Variants in PCDHGB3 observed in about 807,000 individuals in gnomAD.
PCDHGB3 encodes protocadherin gamma-B3.
In PCDHGB3, 40 loss-of-function variants were observed where a neutral mutation model predicts 59.2. The ratio of observed to expected loss-of-function variants is 0.68; its 90% CI spans 0.52 to 0.88. PCDHGB3 has a LOEUF of 0.88. PCDHGB3 is among the 40% of genes least tolerant of loss of function. PCDHGB3 has a pLI of 0.00. For missense variants in PCDHGB3, 1,309 were observed against 1,187.9 expected (o/e 1.10, Z -1.50); for synonymous variants, 581 against 503.6 (o/e 1.15, Z -2.06).
chr5:141,419,610 C>T (rs779657777), intron 1 of PCDHGB3: 162 of 1,612,012 alleles, frequency 1.0e-4, no homozygotes, highest in Non-Finnish European at 1.3e-4. Flanking sequence ...GCCGCGCAGC[C>T]AGGCTACCTG....
chr5:141,417,613 G>A (rs984573855), intron 1 of PCDHGB3: 2 of 624,312 alleles, frequency 3.2e-6, no homozygotes, highest in African/African-American at 3.7e-5. Flanking sequence ...GTCGGCCAGT[G>A]CAGAGCAAGC....
chr5:141,432,539 G>A lies in PCDHGB3; in HGVS notation c.2415+59730G>A. 2.5e-6 allele frequency: 4 copies of A among 1,614,038 alleles called. No individual in the cohort carries two copies. Among genetic ancestry groups the A allele is most frequent in the Non-Finnish European group, 3.4e-6 (4 of 1,180,022 alleles). ...CTACCTGGTGACCAAGGTGGTGGCG[G>A]TGGACAGAGACTCCGGCCAGAACGC... On this transcript the variant is annotated intron_variant, in intron 1 of 3. Transcript: ENST00000576222. The surrounding 1 kb of genome is among the most constrained non-coding windows in gnomAD (Gnocchi z 6.0).
intron 1 of PCDHGB3, chr5:141,414,274 G>C: frequency 1.9e-6 from 3 of 1,613,368 alleles, no homozygotes; most frequent in Non-Finnish European, 2.5e-6. Flanking sequence ...TTCACCTCTG[G>C]GAACAGTCGT....
At chr5:141,414,396 A>G in intron 1 of PCDHGB3, 1 of 1,613,884 alleles carries the variant, frequency 6.2e-7, no homozygotes, top group Non-Finnish European at 8.5e-7. Flanking sequence ...GTTATTACAG[A>G]TTGGTGATAC....
intron 1 of PCDHGB3, chr5:141,404,308 C>T (rs1241004917): frequency 6.2e-7 from 1 of 1,613,918 alleles, no homozygotes; most frequent in Middle Eastern, 1.6e-4. Flanking sequence ...CACCTGCTTT[C>T]TCTCAAGCCT....
chr5:141,378,889 T>C (rs185717248), intron 1 of PCDHGB3: 2 of 152,352 alleles, frequency 1.3e-5, no homozygotes, highest in Admixed American at 6.5e-5. Flanking sequence ...ACTAAGGAGA[T>C]AGGAGATTCT....
intron 1 of PCDHGB3, among the ~76,000 whole-genome samples, chr5:141,449,081 C>T (rs2098627623): frequency 6.6e-6 from 1 of 152,180 alleles, no homozygotes; most frequent in South Asian, 2.1e-4. Flanking sequence ...CCTGTACCTA[C>T]ATCAGTTTTT....
At chr5:141,427,444 G>T (rs1184893966) in intron 1 of PCDHGB3, 1 of 482,228 alleles carries the variant, frequency 2.1e-6, no homozygotes, top group South Asian at 1.5e-5. Flanking sequence ...ATAAACGAAA[G>T]AGTTCCTTTT....
Position 141,490,027 on chromosome 5 carries a change from CG to C in PCDHGB3, c.2416-4779del. The C allele has an allele frequency of 6.2e-7, 1 of 1,614,214 alleles. No individual in the cohort carries two copies. Among genetic ancestry groups the C allele is most frequent in the Admixed American group, 1.7e-5 (1 of 60,032 alleles). On this transcript the variant is annotated intron_variant, in intron 1 of 3. Transcript: ENST00000576222. The surrounding 1 kb of genome is among the most constrained non-coding windows in gnomAD (Gnocchi z 5.4). Reference sequence around the variant, plus strand: ...TGCACCCATTGGTACTCTGCTGCTCCGCCTCAATGCCACTGATCCAGACGAG... The same window carrying C: ...TGCACCCATTGGTACTCTGCTGCTCCCCTCAATGCCACTGATCCAGACGAG...
chr5:141,408,384 T>C, intron 1 of PCDHGB3: 2 of 1,614,014 alleles, frequency 1.2e-6, no homozygotes, highest in Non-Finnish European at 1.7e-6. Flanking sequence ...GTCCTGGATG[T>C]GTCGGCTCGC....
chr5:141,452,002 T>C (rs965343762), intron 1 of PCDHGB3, among the ~76,000 whole-genome samples: 1 of 152,220 alleles, frequency 6.6e-6, no homozygotes, highest in African/African-American at 2.4e-5. Context: ...GCAAAATCAC[T>C]TGGTCCAGCC....
chr5:141,374,459 A>G (rs764751595), intron 1 of PCDHGB3: 2 of 1,613,448 alleles, frequency 1.2e-6, no homozygotes, highest in Non-Finnish European at 1.7e-6. Context: ...AATAGTGGAC[A>G]TTAATGACAA....
chr5:141,432,281 A>C lies in PCDHGB3; in HGVS notation c.2415+59472A>C, dbSNP rs1313887209. 1 of 1,614,188 alleles carries C rather than the reference A, an allele frequency of 6.2e-7. No individual in the cohort carries two copies. The highest frequency in any genetic ancestry group is 1.1e-5 in the South Asian group (1 of 91,084). On this transcript the variant is annotated intron_variant, in intron 1 of 3. Coordinates refer to ENST00000576222, the MANE Select transcript of PCDHGB3 (RefSeq NM_018924.5). The surrounding 1 kb of genome is among the most constrained non-coding windows in gnomAD (Gnocchi z 6.0). The stretch of plus-strand genomic sequence containing the variant: ...AAGCCTATCGTCCTACGTGTCCATC[A>C]ACTCCGACACTGGGGTACTGTATGC...
intron 1 of PCDHGB3, among the ~76,000 whole-genome samples, chr5:141,482,866 G>A (rs768388750): frequency 2.7e-5 from 4 of 150,296 alleles, no homozygotes; most frequent in Non-Finnish European, 4.4e-5. Flanking sequence ...GAGGTCAGGA[G>A]TTTGAAACCA....
Position 141,375,142 on chromosome 5 carries a change from C to A in PCDHGB3, c.2415+2333C>A, listed in dbSNP as rs772426422. The A allele has an allele frequency of 5.0e-6, 8 of 1,613,910 alleles. No homozygotes were observed. The Admixed American group carries it at 1.3e-4, about 27-fold the overall frequency. ...CAGAAGTGGTTGTTACATCTGGAAG[C>A]AGAACAATTGCTGAAAGTGCACCTC... On this transcript the variant is annotated intron_variant, in intron 1 of 3. Transcript: ENST00000576222.
At chr5:141,375,308 G>T (rs761294258) in intron 1 of PCDHGB3, 24 of 1,613,722 alleles carry the variant, frequency 1.5e-5, no homozygotes, top group Non-Finnish European at 8.5e-7. Flanking sequence ...GACAAATGCA[G>T]CTCTAGACCG....
rs1173306822 is a variant in PCDHGB3 at position 141,431,115 on chromosome 5, T to C, written c.2415+58306T>C. The C allele has an allele frequency of 9.3e-6, 15 of 1,613,492 alleles. No individual in the cohort carries two copies. The highest frequency in any genetic ancestry group is 1.3e-5 in the Non-Finnish European group (15 of 1,179,878). On this transcript the variant is annotated intron_variant, in intron 1 of 3. Coordinates refer to ENST00000576222, the MANE Select transcript of PCDHGB3 (RefSeq NM_018924.5). The surrounding 1 kb of genome is among the most constrained non-coding windows in gnomAD (Gnocchi z 4.8). The stretch of plus-strand genomic sequence containing the variant: ...GAGGATAAAGTGAAAATATATGGAG[T>C]AGAAGTAGAAGTAAGGGACATTAAC...
At chr5:141,399,854 G>A (rs747617678) in intron 1 of PCDHGB3, 6 of 1,612,786 alleles carry the variant, frequency 3.7e-6, no homozygotes, top group Non-Finnish European at 5.1e-6. Context: ...ATGGTGCCGC[G>A]CGCTGCAGAG....
Position 141,371,894 on chromosome 5 carries a change from G to C in PCDHGB3, c.1500G>C (p.Glu500Asp), listed in dbSNP as rs1346040727. 2.5e-6 allele frequency: 4 copies of C among 1,613,426 alleles called. No individual in the cohort carries two copies. Among genetic ancestry groups the C allele is most frequent in the Non-Finnish European group, 3.4e-6 (4 of 1,179,900 alleles). ...YIVASDLEPR[E>D]LSSYVSVSAR... is the part of the protein sequence containing the mutation. ...TGGCCAGTGACCTGGAGCCGCGGGA[G>C]CTGTCGTCCTACGTGTCCGTGAGCG... The change falls in exon 1 of 4, where the codon GAG becomes GAC. Residue 500 changes from glutamate (E) to aspartate (D), a missense_variant. Transcript: ENST00000576222.
Sources: allele counts gnomAD v4.1 joint callset (sites outside exome capture counted in the v4.1 genomes callset), GRCh38; gene constraint gnomAD v4.1.1; non-coding constraint Gnocchi (gnomAD v3.1); transcripts MANE v1.5; gene names NCBI Gene and HGNC (gene_info 2026-07-23, HGNC 2026-07-21).